CTNNA3: variants seen among roughly 807,000 people sequenced by gnomAD.
CTNNA3 encodes catenin alpha-3.
In CTNNA3, 76 loss-of-function variants were observed where a neutral mutation model predicts 95.7. The ratio of observed to expected loss-of-function variants is 0.79; its 90% CI spans 0.66 to 0.96. CTNNA3 has a LOEUF of 0.96. Ranked by LOEUF, CTNNA3 falls within the 40% of genes least tolerant of loss-of-function variation. The pLI is 0.00. For synonymous variants in CTNNA3, 431 were observed against 374.4 expected, an observed-to-expected ratio of 1.15 and a Z score of -1.74; for missense variants, 1,191 against 1,089.8, an observed-to-expected ratio of 1.09 and a Z score of -1.31.
intron 3 of CTNNA3, among the ~76,000 whole-genome samples, chr10:67,588,891 C>T (rs954571344): frequency 6.6e-6 from 1 of 151,786 alleles, no homozygotes; most frequent in Admixed American, 6.6e-5. Flanking sequence ...AGAATCTATA[C>T]ACTTTAAGAA....
intron 7 of CTNNA3, among the ~76,000 whole-genome samples, chr10:66,956,061 G>C (rs1848776282): frequency 1.3e-5 from 2 of 152,084 alleles, no homozygotes; most frequent in Non-Finnish European, 2.9e-5. Context: ...TAGAGCTATG[G>C]CATTTGGTTT....
chr10:66,350,887 C>T (rs529369132), intron 12 of CTNNA3, among the ~76,000 whole-genome samples: 4 of 152,030 alleles, frequency 2.6e-5, no homozygotes, highest in African/African-American at 9.6e-5. Flanking sequence ...TCCTCCAGAT[C>T]CTATGGGAAA....
At chr10:66,220,135 T>A (rs4745890) in intron 13 of CTNNA3, among the ~76,000 whole-genome samples, 1 of 151,326 alleles carries the variant, frequency 6.6e-6, no homozygotes, top group South Asian at 2.1e-4. Context: ...AAAATAATAA[T>A]AAGAAGAAGA....
intron 17 of CTNNA3, among the ~76,000 whole-genome samples, chr10:65,923,002 G>T (rs553890026): frequency 1.3e-5 from 2 of 152,182 alleles, no homozygotes; most frequent in East Asian, 3.9e-4. Context: ...ACTATCACGA[G>T]AACAGCATGG....
intron 7 of CTNNA3, among the ~76,000 whole-genome samples, chr10:67,128,802 T>G (rs1231437975): frequency 6.6e-6 from 1 of 152,098 alleles, no homozygotes; most frequent in African/African-American, 2.4e-5. Flanking sequence ...AACAAAAATC[T>G]TAATGCCTCA....
At chr10:67,162,479 A>C (rs1231374649) in intron 7 of CTNNA3, among the ~76,000 whole-genome samples, 3 of 151,968 alleles carry the variant, frequency 2.0e-5, no homozygotes, top group African/African-American at 7.2e-5. Context: ...TTGATTATTG[A>C]AAGACAACAG....
intron 10 of CTNNA3, among the ~76,000 whole-genome samples, chr10:66,567,160 G>C (rs1842737802): frequency 6.7e-6 from 1 of 149,046 alleles, no homozygotes; most frequent in Non-Finnish European, 1.5e-5. Context: ...ATTATGAACA[G>C]GGAACTCACA....
chr10:66,685,283 A>AT (rs1564617267), intron 9 of CTNNA3, among the ~76,000 whole-genome samples: 1 of 27,430 alleles, frequency 3.6e-5, no homozygotes, highest in African/African-American at 2.3e-4. Context: ...ACGTATATAT[A>AT]AGTATATATA....
chr10:66,458,887 T>C (rs565249491), intron 11 of CTNNA3, among the ~76,000 whole-genome samples: 12 of 152,280 alleles, frequency 7.9e-5, no homozygotes, highest in African/African-American at 2.9e-4. Context: ...CTGTGAACAT[T>C]GGTGTGCAAA....
At chr10:67,025,153 A>AAAGGAAGGAAGGAAGGAAGGAAGG (rs1221696371) in intron 7 of CTNNA3, among the ~76,000 whole-genome samples, 1 of 149,246 alleles carries the variant, frequency 6.7e-6, no homozygotes, top group African/African-American at 2.5e-5. Context: ...AAAAAGAAAG[A>AAAGGAAGGAAGGAAGGAAGGAAGG]AAGGAAGGAA....
At chr10:66,670,335 T>C (rs1230463431) in intron 9 of CTNNA3, among the ~76,000 whole-genome samples, 2 of 152,204 alleles carry the variant, frequency 1.3e-5, no homozygotes, top group Non-Finnish European at 1.5e-5. Flanking sequence ...TTTGAAGGTC[T>C]GAGCAAAGAA....
At position 66,234,729 on chromosome 10, in the gene CTNNA3, T is replaced by A. The variant is rs562064448; in HGVS notation, c.1884+45741A>T. On this transcript the variant is annotated intron_variant, in intron 13 of 17. Coordinates refer to ENST00000433211, the MANE Select transcript of CTNNA3 (RefSeq NM_013266.4). ...TTTTAAAATGGCCCCCACAGATCCCTTCCTCTTATTATTTACAACTATGCA... is the reference window on the plus strand; with the variant it reads ...TTTTAAAATGGCCCCCACAGATCCCATCCTCTTATTATTTACAACTATGCA... Among the ~76,000 whole-genome samples the A allele has an allele frequency of 1.5e-4, 23 of 152,312 alleles. No homozygotes were observed. In the South Asian group the frequency reaches 4.8e-3, roughly 32 times the overall value.
chr10:66,994,786 T>C (rs1004670883), intron 7 of CTNNA3, among the ~76,000 whole-genome samples: 42 of 152,224 alleles, frequency 2.8e-4, no homozygotes, highest in Admixed American at 2.3e-3. Context: ...TATCTAATAA[T>C]TATTGTGAAG....
At chr10:66,346,228 TATATATATATATATATATAGAGAGAG>T (rs1356468111) in intron 12 of CTNNA3, among the ~76,000 whole-genome samples, 949 of 45,818 alleles carry the variant, frequency 0.021, 6 homozygotes, top group South Asian at 0.079. Flanking sequence ...TATATATATA[TATATATATATATATATATAGAGAGAG>T]AGAGAGAGAG....
intron 1 of CTNNA3, among the ~76,000 whole-genome samples, chr10:67,663,307 T>A (rs1448860142): frequency 6.6e-6 from 1 of 151,444 alleles, no homozygotes. Flanking sequence ...TGTACTGCTT[T>A]AAAAAAAAAT....
At chr10:67,232,040 G>T (rs1309925338) in intron 5 of CTNNA3, among the ~76,000 whole-genome samples, 5 of 152,110 alleles carry the variant, frequency 3.3e-5, no homozygotes, top group Admixed American at 3.3e-4. Flanking sequence ...TCTGATTGGT[G>T]TACCTGAAAG....
At chr10:65,939,560 A>G (rs1410371421) in intron 17 of CTNNA3, among the ~76,000 whole-genome samples, 2 of 152,106 alleles carry the variant, frequency 1.3e-5, no homozygotes, top group Non-Finnish European at 2.9e-5. Flanking sequence ...ACACATTCCT[A>G]TATTAATATT....
intron 5 of CTNNA3, among the ~76,000 whole-genome samples, chr10:67,370,290 G>A (rs1296934853): frequency 6.6e-6 from 1 of 151,872 alleles, no homozygotes; most frequent in African/African-American, 2.4e-5. Context: ...CAAAATTTGT[G>A]TATGTGACTC....
intron 1 of CTNNA3, among the ~76,000 whole-genome samples, chr10:67,723,604 C>A (rs374204594): frequency 2.0e-5 from 3 of 152,244 alleles, no homozygotes; most frequent in East Asian, 3.9e-4. Flanking sequence ...TCTTTCAATT[C>A]TTTGATAAAC....
Sources: gnomAD v4.1 joint callset for allele counts (sites outside exome capture counted in the v4.1 genomes callset) on GRCh38, gnomAD v4.1.1 for gene constraint, MANE v1.5 for transcripts, NCBI Gene and HGNC (gene_info 2026-07-23, HGNC 2026-07-21) for gene names.